The following C12orf60 variants were observed in gnomAD, a reference collection of about 807,000 sequenced individuals.
C12orf60 encodes uncharacterized protein C12orf60.
For synonymous variants in C12orf60, 102 were observed against 94.6 expected (o/e 1.08, Z -0.45); for missense variants, 284 against 283.2 (o/e 1.00, Z -0.02).
In C12orf60 at chr12:14,823,792, A is replaced by G. The variant is rs1432527597; in HGVS notation, c.*119A>G. 3 of 869,932 alleles carry G rather than the reference A, an allele frequency of 3.4e-6. No homozygotes were observed. The African/African-American group carries it at 5.2e-5, about 15-fold the overall frequency. The allele number at this position is 869,932 out of a possible 1,614,324, so 53.9% of individuals were successfully genotyped here. On this transcript the variant is annotated 3_prime_UTR_variant, in exon 2 of 2. Transcript: ENST00000330828. Reference sequence around the variant, plus strand: ...TGCTATGTTAGAACATAAGTACACAAAAGTCATCTGGCAAAACATTTACCT... The same window carrying G: ...TGCTATGTTAGAACATAAGTACACAGAAGTCATCTGGCAAAACATTTACCT...
chr12:14,812,609 G>A (rs1950158731), intron 1 of C12orf60, among the ~76,000 whole-genome samples: 1 of 151,964 alleles, frequency 6.6e-6, no homozygotes, highest in Admixed American at 6.5e-5. Flanking sequence ...TAAGTACCTA[G>A]AAGAATTACA....
intron 1 of C12orf60, among the ~76,000 whole-genome samples, chr12:14,812,411 G>T (rs1421910669): frequency 3.3e-5 from 5 of 152,024 alleles, no homozygotes; most frequent in African/African-American, 9.7e-5. Flanking sequence ...GCCACTGCAC[G>T]CCGGCCTGGG....
intron 1 of C12orf60, among the ~76,000 whole-genome samples, chr12:14,816,751 T>C (rs1013263011): frequency 2.7e-5 from 4 of 150,854 alleles, no homozygotes; most frequent in African/African-American, 9.7e-5. Context: ...TTTCTCTTTT[T>C]TTTTTTTTTT....
rs781661482 is a variant in C12orf60, at chr12:14,823,124, G to T, written c.189G>T (p.Met63Ile). ...ACATTAAGGATTTTTTTGAGCAAATGCTCAAAATTTTTAAGGAGATGCAAT... is the reference window on the plus strand; with the variant it reads ...ACATTAAGGATTTTTTTGAGCAAATTCTCAAAATTTTTAAGGAGATGCAAT... ...NSYIKDFFEQ[M>I]LKIFKEMQSV... is the part of the protein sequence containing the mutation. The change falls in exon 2 of 2, where the codon ATG (methionine) becomes ATT (isoleucine). Residue 63 changes from methionine to isoleucine, a missense_variant. Transcript: ENST00000330828. 26 of 1,613,926 alleles carry T rather than the reference G, an allele frequency of 1.6e-5. No individual in the cohort carries two copies. Among genetic ancestry groups the T allele is most frequent in the Non-Finnish European group, 2.2e-5 (26 of 1,179,996 alleles).
Position 14,823,409 on chromosome 12 carries a change from A to G in C12orf60, c.474A>G (p.Thr158=). 1.9e-6 allele frequency: 3 copies of G among 1,614,100 alleles called. No homozygotes were observed. Among genetic ancestry groups the G allele is most frequent in the East Asian group, 2.2e-5 (1 of 44,866 alleles). Reference sequence around the variant, plus strand: ...ATCTTCAATTAAGTGACTTCTATACAGAAGACACCAAAGAGCAATCAGATG... The same window carrying G: ...ATCTTCAATTAAGTGACTTCTATACGGAAGACACCAAAGAGCAATCAGATG... ...IMNLQLSDFY[T]EDTKEQSDVT... The change falls in exon 2 of 2, where the codon ACA becomes ACG. Residue 158 remains threonine, a synonymous_variant. Transcript: ENST00000330828.
chr12:14,809,592 G>A (rs1289020070), intron 1 of C12orf60, among the ~76,000 whole-genome samples: 1 of 151,936 alleles, frequency 6.6e-6, no homozygotes, highest in Non-Finnish European at 1.5e-5. Context: ...GCTAGACTTT[G>A]GAGTTAAAAA....
At chr12:14,820,260 G>A (rs1288203346) in intron 1 of C12orf60, among the ~76,000 whole-genome samples, 2 of 151,668 alleles carry the variant, frequency 1.3e-5, no homozygotes, top group African/African-American at 4.8e-5. Context: ...TTTTTCTCTG[G>A]TCAATCTGGC....
rs770503888 is a variant in C12orf60, at chr12:14,806,041, T to C, written c.-25+2290T>C. 15 of 1,614,092 alleles carry C rather than the reference T, an allele frequency of 9.3e-6. No homozygotes were observed. The East Asian group carries it at 3.3e-4, about 36-fold the overall frequency. On this transcript the variant is annotated intron_variant, in intron 1 of 1. Transcript: ENST00000330828. ...TGTTTCACTGTATTGATGACCTCAGTAATGGCATGATTATATTTTTCTGAG... is the reference window on the plus strand; with the variant it reads ...TGTTTCACTGTATTGATGACCTCAGCAATGGCATGATTATATTTTTCTGAG...
At chr12:14,821,136 T>C (rs996929062) in intron 1 of C12orf60, among the ~76,000 whole-genome samples, 1 of 152,228 alleles carries the variant, frequency 6.6e-6, no homozygotes, top group African/African-American at 2.4e-5. Context: ...TGTTTTTCTG[T>C]TCTGTTTTTC....
In C12orf60 at chr12:14,823,781, A is replaced by G; in HGVS notation, c.*108A>G. 1 of 1,040,548 alleles carries G rather than the reference A, an allele frequency of 9.6e-7. No individual in the cohort carries two copies. Among genetic ancestry groups the G allele is most frequent in the Non-Finnish European group, 1.3e-6 (1 of 758,428 alleles). The allele number at this position is 1,040,548 out of a possible 1,614,324, so 64.5% of individuals were successfully genotyped here. A position where few individuals can be genotyped will look rare whatever the true frequency, so the allele number is the denominator to read the frequency against. ...TGCCAAACATGTGCTATGTTAGAAC[A>G]TAAGTACACAAAAGTCATCTGGCAA... On this transcript the variant is annotated 3_prime_UTR_variant, in exon 2 of 2. Transcript: ENST00000330828.
At chr12:14,822,765 C>A in intron 1 of C12orf60, 147 bp from the exon 2 acceptor site, 1 of 602,682 alleles carries the variant, frequency 1.7e-6, no homozygotes, top group Non-Finnish European at 2.7e-6. Context: ...TTTATTGAAG[C>A]ATAGTACCAT....
intron 1 of C12orf60, among the ~76,000 whole-genome samples, chr12:14,809,512 A>T (rs936612865): frequency 6.6e-6 from 1 of 152,216 alleles, no homozygotes; most frequent in African/African-American, 2.4e-5. Context: ...CTGTTTAATA[A>T]TAATAAATTG....
At chr12:14,817,111 G>T (rs186798623) in intron 1 of C12orf60, among the ~76,000 whole-genome samples, 8 of 151,998 alleles carry the variant, frequency 5.3e-5, no homozygotes, top group Admixed American at 5.2e-4. Flanking sequence ...TATGCTTTTG[G>T]TGTCATACAT....
intron 1 of C12orf60, among the ~76,000 whole-genome samples, chr12:14,813,967 A>C (rs562021477): frequency 1.3e-5 from 2 of 152,262 alleles, no homozygotes; most frequent in Non-Finnish European, 2.9e-5. Context: ...CTTCCAAATC[A>C]CAAGGAACAT....
chr12:14,818,839 T>C (rs914724122), intron 1 of C12orf60, among the ~76,000 whole-genome samples: 1 of 152,152 alleles, frequency 6.6e-6, no homozygotes, highest in Non-Finnish European at 1.5e-5. Context: ...TTTCTAGACT[T>C]CCTGTTCTGT....
In C12orf60 at chr12:14,806,428, C is replaced by T. The variant is rs575449284; in HGVS notation, c.-25+2677C>T. On this transcript the variant is annotated intron_variant, in intron 1 of 1. Transcript: ENST00000330828. ...GGCTCTAGCTTATCTTTTAGTGCTT[C>T]ATCAACCTTCTGCAATTCCTTTTGG... is the stretch of plus-strand genomic sequence containing the variant. 2.7e-4 allele frequency: 432 copies of T among 1,614,208 alleles called. 2 individuals carry two copies. In the South Asian group the frequency reaches 3.8e-3, roughly 14 times the overall value.
At position 14,823,221 on chromosome 12, in the gene C12orf60, T is replaced by C. The variant is rs866273923; in HGVS notation, c.286T>C (p.Ser96Pro). The stretch of plus-strand genomic sequence containing the variant: ...TTCCAAGGTTGCAATGGCCATGTGC[T>C]CTGTGGTTCAGAAGAGTACCAATGT... ...LCSKVAMAMCSVVQKSTNVEE... is the reference protein window; with the variant it reads ...LCSKVAMAMCPVVQKSTNVEE... Residue 96 changes from serine to proline, a missense_variant, in exon 2 of 2, where the codon TCT becomes CCT. By Grantham distance (74) the Ser-to-Pro change is moderately conservative (BLOSUM62 -1). Transcript: ENST00000330828. 8 of 1,614,164 alleles carry C rather than the reference T, an allele frequency of 5.0e-6. No homozygotes were observed. The highest frequency in any genetic ancestry group is 1.7e-4 in the Middle Eastern group (1 of 6,058).
At chr12:14,816,529 C>G (rs538625951) in intron 1 of C12orf60, among the ~76,000 whole-genome samples, 1 of 152,230 alleles carries the variant, frequency 6.6e-6, no homozygotes. Context: ...CACAGTTAGA[C>G]TTCCCAGTTT....
intron 1 of C12orf60, among the ~76,000 whole-genome samples, chr12:14,815,132 G>C (rs1033281041): frequency 6.6e-6 from 1 of 152,036 alleles, no homozygotes; most frequent in African/African-American, 2.4e-5. Flanking sequence ...AGAATGGGTG[G>C]GTACAGGATA....
Sources: gnomAD v4.1 joint callset for allele counts (sites outside exome capture counted in the v4.1 genomes callset) on GRCh38, gnomAD v4.1.1 for gene constraint, MANE v1.5 for transcripts, NCBI Gene and HGNC (gene_info 2026-07-23, HGNC 2026-07-21) for gene names.